The following PDXDC1 variants were observed in gnomAD, a reference collection of about 807,000 sequenced individuals.
PDXDC1 encodes pyridoxal-dependent decarboxylase domain-containing protein 1.
Under a neutral mutation model 100.1 loss-of-function variants are expected in PDXDC1, and 42 were observed. The ratio of observed to expected loss-of-function variants is 0.42; its 90% CI spans 0.33 to 0.54. The LOEUF (loss-of-function observed/expected upper bound fraction) is 0.54, where lower values mean the gene tolerates loss of function less well. PDXDC1 is among the 20% of genes least tolerant of loss of function. The pLI is 0.10. For missense variants in PDXDC1, 636 were observed against 979.2 expected, an observed-to-expected ratio of 0.65 and a Z score of 4.68; for synonymous variants, 260 against 371.7, an observed-to-expected ratio of 0.70 and a Z score of 3.46.
At chr16:15,032,032 C>G in intron 17 of PDXDC1, 126 bp downstream of exon 17, 1 of 852,684 alleles carries the variant, frequency 1.2e-6, no homozygotes, top group South Asian at 1.7e-5. Context: ...AACGAAAATG[C>G]AACTCGGTTT....
upstream of PDXDC1, chr16:14,974,841 A>G (rs1185031392): frequency 2.0e-6 from 3 of 1,535,496 alleles, no homozygotes; most frequent in African/African-American, 2.7e-5. Context: ...CACTCCATGA[A>G]TAGTACTTTG....
chr16:15,045,160 A>G (rs12934815), intron 16 of PDXDC1: 45,480 of 148,496 alleles, frequency 0.31, 7,380 homozygotes, highest in Admixed American at 0.45. Flanking sequence ...TTAGCCGGGC[A>G]TGGTGGCACA....
intron 16 of PDXDC1, among the ~76,000 whole-genome samples, chr16:15,088,066 A>G (rs2045979211): frequency 6.6e-6 from 1 of 152,056 alleles, no homozygotes; most frequent in South Asian, 2.1e-4. Context: ...CAGTGAGCCA[A>G]GATCATGCCA....
intron 16 of PDXDC1, chr16:15,094,190 G>C (rs769280987): frequency 1.2e-6 from 2 of 1,601,048 alleles, no homozygotes; most frequent in East Asian, 4.5e-5. Context: ...GGACGAAGCG[G>C]CCGCATCTCC....
At chr16:15,051,035 T>G (rs2044272020) in intron 16 of PDXDC1, among the ~76,000 whole-genome samples, 1 of 152,228 alleles carries the variant, frequency 6.6e-6, no homozygotes, top group African/African-American at 2.4e-5. Context: ...ATTCCACTTC[T>G]TGCCTCATCT....
chr16:15,063,114 A>G (rs2941259), intron 16 of PDXDC1: 767,817 of 1,065,064 alleles, frequency 0.72, 281,129 homozygotes, highest in Middle Eastern at 0.78. Flanking sequence ...ACACGCACGA[A>G]CGACTTGCCA....
intron 16 of PDXDC1, chr16:15,128,157 G>A (rs759074582): frequency 2.5e-6 from 4 of 1,609,904 alleles, no homozygotes; most frequent in South Asian, 1.1e-5. Context: ...CGGGAGGGAG[G>A]TCAGGCTCGC....
chr16:15,136,258 G>C (rs1317571162), intron 16 of PDXDC1: 14 of 621,302 alleles, frequency 2.3e-5, no homozygotes, highest in Non-Finnish European at 4.0e-5. Context: ...TCAGAGCCTG[G>C]AGAGCAGGGC....
intron 16 of PDXDC1, among the ~76,000 whole-genome samples, chr16:15,054,153 A>G (rs950783005): frequency 6.6e-6 from 1 of 152,160 alleles, no homozygotes; most frequent in Non-Finnish European, 1.5e-5. Flanking sequence ...CGGCTTGCCC[A>G]GCTGCGATGC....
chr16:15,090,210 T>TAA (rs59267950), intron 16 of PDXDC1, among the ~76,000 whole-genome samples: 7 of 149,700 alleles, frequency 4.7e-5, no homozygotes, highest in Admixed American at 4.0e-4. Flanking sequence ...GACTTTGTCT[T>TAA]AAAAAAAAAG....
chr16:15,090,343 A>T (rs1428412318), intron 16 of PDXDC1, among the ~76,000 whole-genome samples: 12 of 152,226 alleles, frequency 7.9e-5, no homozygotes, highest in Non-Finnish European at 2.9e-5. Flanking sequence ...CTGGAACAAA[A>T]ACAACAGATG....
rs2043544941 is a variant in PDXDC1 at position 15,037,559 on chromosome 16, A to AATTATCACCTTCAAGAAAATTACATGT, written c.*1285_*1311dup. On this transcript the variant is annotated 3_prime_UTR_variant, in exon 23 of 23. Coordinates refer to ENST00000396410, the MANE Select transcript of PDXDC1 (RefSeq NM_015027.4). The stretch of plus-strand genomic sequence containing the variant: ...TAGCAGATAAAATGGGGGAGGGGTA[A>AATTATCACCTTCAAGAAAATTACATGT]ATTATCACCTTCAAGAAAATTACAT... 2 of 153,394 alleles carry AATTATCACCTTCAAGAAAATTACATGT rather than the reference A, an allele frequency of 1.3e-5. No homozygotes were observed. The highest frequency in any genetic ancestry group is 2.4e-5 in the African/African-American group (1 of 41,424). 9.5% of individuals were successfully genotyped at this position (153,394 alleles called of 1,614,324 possible). A position where few individuals can be genotyped will look rare whatever the true frequency, so the allele number is the denominator to read the frequency against.
the PDXDC1 span, among the ~76,000 whole-genome samples, chr16:15,146,739 G>A: frequency 6.6e-6 from 1 of 152,078 alleles, no homozygotes; most frequent in Non-Finnish European, 1.5e-5. Flanking sequence ...TCTGTGGCAG[G>A]GCAGGTCTCA....
At chr16:15,059,709 A>G (rs1237220151) in intron 16 of PDXDC1, among the ~76,000 whole-genome samples, 1 of 152,190 alleles carries the variant, frequency 6.6e-6, no homozygotes, top group African/African-American at 2.4e-5. Context: ...GTTGGCATGT[A>G]ATTTATAAGG....
At chr16:14,988,347 T>C (rs1969896985) in intron 1 of PDXDC1, 1 of 1,613,964 alleles carries the variant, frequency 6.2e-7, no homozygotes, top group Non-Finnish European at 8.5e-7. Context: ...GAGGAAGAGG[T>C]GGAAGAGGGT....
At chr16:15,055,294 G>A (rs1035065996) in intron 16 of PDXDC1, among the ~76,000 whole-genome samples, 6 of 152,294 alleles carry the variant, frequency 3.9e-5, no homozygotes, top group Admixed American at 3.3e-4. Context: ...AACAAAACCC[G>A]TGCATCAGGG....
chr16:15,091,306 A>G (rs1431106225), intron 16 of PDXDC1: 2 of 1,603,172 alleles, frequency 1.2e-6, no homozygotes, highest in Non-Finnish European at 1.7e-6. Context: ...CAAACACAAA[A>G]TTAATTACCT....
chr16:15,044,650 T>C, intron 16 of PDXDC1: 1 of 557,944 alleles, frequency 1.8e-6, no homozygotes, highest in African/African-American at 1.9e-5. Flanking sequence ...ACAAATGTGA[T>C]GCCGCCTCCA....
At chr16:14,989,656 G>A (rs1970251013) in intron 1 of PDXDC1, 1 of 1,568,806 alleles carries the variant, frequency 6.4e-7, no homozygotes, top group Non-Finnish European at 8.6e-7. Context: ...GCGGGCCCGG[G>A]GCCGGCGGCC....
Sources: allele counts gnomAD v4.1 joint callset (sites outside exome capture counted in the v4.1 genomes callset), GRCh38; gene constraint gnomAD v4.1.1; transcripts MANE v1.5; gene names NCBI Gene and HGNC (gene_info 2026-07-23, HGNC 2026-07-21).